SMAP2: variants seen among roughly 807,000 people sequenced by gnomAD.
SMAP2 encodes the protein small ArfGAP2.
In SMAP2, 25 loss-of-function variants were observed where a neutral mutation model predicts 56.4. The ratio of observed to expected loss-of-function variants is 0.44; its 90% CI spans 0.32 to 0.62. The LOEUF (loss-of-function observed/expected upper bound fraction) is 0.62, where lower values mean the gene tolerates loss of function less well. Among genes scored for constraint, SMAP2 ranks in the 20% least tolerant of loss-of-function variants. The pLI is 0.04. For missense variants in SMAP2, 388 were observed against 545.6 expected, an observed-to-expected ratio of 0.71 and a Z score of 2.88; for synonymous variants, 157 against 181.7, an observed-to-expected ratio of 0.86 and a Z score of 1.09.
chr1:40,415,309 C>T lies in SMAP2; in HGVS notation c.609C>T (p.Thr203=), dbSNP rs758225689. The change falls in exon 7 of 10, where the codon ACC becomes ACT. Residue 203 remains threonine, a synonymous_variant. Coordinates refer to ENST00000372718, the MANE Select transcript of SMAP2 (RefSeq NM_022733.3). The part of the protein sequence containing the change: ...PVACSIANSK[T]SNTLEKDLDL... ...CCTGCTCCATTGCAAATAGTAAGACCAGCAATACCCTAGAGAAGGATTTAG... is the reference window on the plus strand; with the variant it reads ...CCTGCTCCATTGCAAATAGTAAGACTAGCAATACCCTAGAGAAGGATTTAG... 6.2e-7 allele frequency: 1 copy of T among 1,613,978 alleles called. No individual in the cohort carries two copies. The highest frequency in any genetic ancestry group is 8.5e-7 in the Non-Finnish European group (1 of 1,179,850).
chr1:40,405,666 A>C (rs1273581509), intron 1 of SMAP2, among the ~76,000 whole-genome samples: 2 of 152,094 alleles, frequency 1.3e-5, no homozygotes, highest in East Asian at 3.8e-4. Flanking sequence ...CACTTATTTT[A>C]TGTGGTAAAT....
At chr1:40,350,930 G>T (rs1039091869) in intron 1 of SMAP2, among the ~76,000 whole-genome samples, 7 of 152,138 alleles carry the variant, frequency 4.6e-5, no homozygotes, top group Admixed American at 3.3e-4. Context: ...GCCCCATTCT[G>T]CTCATTAACT....
intron 6 of SMAP2, among the ~76,000 whole-genome samples, chr1:40,414,698 A>G (rs1159581140): frequency 6.6e-6 from 1 of 152,154 alleles, no homozygotes; most frequent in Non-Finnish European, 1.5e-5. Context: ...TTTGAGCCTC[A>G]TGTCAATTCC....
chr1:40,384,797 G>T (rs1485578366), intron 1 of SMAP2, among the ~76,000 whole-genome samples: 1 of 152,162 alleles, frequency 6.6e-6, no homozygotes, highest in Non-Finnish European at 1.5e-5. Context: ...AATGTAATTT[G>T]GGATTTGAAA....
Position 40,420,639 on chromosome 1 carries a change from A to G in SMAP2, c.1165-1337A>G, listed in dbSNP as rs1645033335. Among the ~76,000 whole-genome samples, 2 of 152,268 alleles carry G rather than the reference A, an allele frequency of 1.3e-5. 1 individual carries two copies. Among genetic ancestry groups the G allele is most frequent in the South Asian group, 4.1e-4 (2 of 4,832 alleles). ...CACTACCTCAGCCAAGTGATCAAAC[A>G]TAAAATTACTGACAGAGGAACAAAG... On this transcript the variant is annotated intron_variant, in intron 9 of 9. Transcript: ENST00000372718.
At position 40,416,789 on chromosome 1, in the gene SMAP2, T is replaced by C; in HGVS notation, c.857T>C (p.Met286Thr). 6.3e-7 allele frequency: 1 copy of C among 1,597,176 alleles called. No homozygotes were observed. Among genetic ancestry groups the C allele is most frequent in the Non-Finnish European group, 8.6e-7 (1 of 1,166,100 alleles). Residue 286 changes from methionine to threonine, a missense_variant, in exon 9 of 10, where the codon ATG becomes ACG. Met to Thr is a moderately conservative substitution (Grantham distance 81, BLOSUM62 -1). Transcript: ENST00000372718. ...TPQMPTQAMF[M>T]APAQMAYPTA... is the part of the protein sequence containing the mutation. ...TGTGTTTTCTTGGCAGCAATGTTCA[T>C]GGCTCCCGCTCAGATGGCATATCCC...
Position 40,420,140 on chromosome 1 carries a change from A to G in SMAP2, c.1165-1836A>G, listed in dbSNP as rs763801977. ...CTAGCAGTCTCATTAATTTTTTTCA[A>G]AGAACCAGGATTTCGATTTATTGGT... On this transcript the variant is annotated intron_variant, in intron 9 of 9. Coordinates refer to ENST00000372718, the MANE Select transcript of SMAP2 (RefSeq NM_022733.3). Among the ~76,000 whole-genome samples the G allele has an allele frequency of 3.5e-4, 53 of 152,146 alleles. 1 individual carries two copies. Among genetic ancestry groups the G allele is most frequent in the Admixed American group, 1.2e-3 (19 of 15,282 alleles).
chr1:40,421,717 G>A lies in SMAP2; in HGVS notation c.1165-259G>A, dbSNP rs148378481. Among the ~76,000 whole-genome samples the A allele has an allele frequency of 3.5e-4, 53 of 152,268 alleles. 1 individual carries two copies. In the East Asian group the frequency reaches 8.3e-3, roughly 24 times the overall value. ...GAGGAACTCATGCTGATTTTCTGTC[G>A]ACTAGATCCAGATGCCAGGATGCCT... is the stretch of plus-strand genomic sequence containing the variant. On this transcript the variant is annotated intron_variant, in intron 9 of 9. Coordinates refer to ENST00000372718, the MANE Select transcript of SMAP2 (RefSeq NM_022733.3).
chr1:40,362,904 G>A (rs1256485719), intron 2 of SMAP2, among the ~76,000 whole-genome samples: 1 of 152,096 alleles, frequency 6.6e-6, no homozygotes, highest in Non-Finnish European at 1.5e-5. Flanking sequence ...GGAGCAGCAG[G>A]GCAGAAGCTT....
At position 40,399,786 on chromosome 1, in the gene SMAP2, T is replaced by G. The variant is rs966902308; in HGVS notation, c.104-6950T>G. ...TTCATAACCTTTAAAAAAAAAGTCC[T>G]TATCTTTTAGAGATATATGCTGAAG... On this transcript the variant is annotated intron_variant, in intron 1 of 9. Transcript: ENST00000372718. Among the ~76,000 whole-genome samples, 4 of 152,170 alleles carry G rather than the reference T, an allele frequency of 2.6e-5. No homozygotes were observed. In the East Asian group the frequency reaches 7.7e-4, roughly 29 times the overall value.
chr1:40,397,888 A>G (rs1644787791), intron 1 of SMAP2, among the ~76,000 whole-genome samples: 1 of 152,174 alleles, frequency 6.6e-6, no homozygotes, highest in South Asian at 2.1e-4. Flanking sequence ...TCCAGGTAGA[A>G]AGAATGGTGT....
Position 40,398,904 on chromosome 1 carries a change from G to A in SMAP2, c.104-7832G>A, listed in dbSNP as rs1476126016. Among the ~76,000 whole-genome samples the A allele has an allele frequency of 2.0e-5, 3 of 152,212 alleles. No individual in the cohort carries two copies. In the East Asian group the frequency reaches 5.8e-4, roughly 29 times the overall value. On this transcript the variant is annotated intron_variant, in intron 1 of 9. Transcript: ENST00000372718. The stretch of plus-strand genomic sequence containing the variant: ...TATGATAGTGAATGTTACAGGTCTG[G>A]TGACAGCTCTTGTGGCACACATAGT...
At chr1:40,421,513 C>A (rs1645042329) in intron 9 of SMAP2, among the ~76,000 whole-genome samples, 1 of 151,880 alleles carries the variant, frequency 6.6e-6, no homozygotes, top group South Asian at 2.1e-4. Flanking sequence ...CCTTTTTTTC[C>A]CCCTTGTGCA....
chr1:40,416,003 GC>G (rs146045057), intron 7 of SMAP2, among the ~76,000 whole-genome samples, 172 bp from the exon 8 acceptor site: 4 of 152,312 alleles, frequency 2.6e-5, no homozygotes, highest in Admixed American at 6.5e-5. Context: ...TTGTAACAGA[GC>G]TTAATTATCA....
intron 2 of SMAP2, chr1:40,364,805 A>C (rs1644474846): frequency 1.3e-5 from 2 of 154,174 alleles, no homozygotes; most frequent in African/African-American, 4.8e-5. Flanking sequence ...AAGGTGCTGA[A>C]AAGCTCAATA....
intron 1 of SMAP2, among the ~76,000 whole-genome samples, chr1:40,400,393 T>C (rs1416356102): frequency 6.6e-6 from 1 of 152,134 alleles, no homozygotes; most frequent in Non-Finnish European, 1.5e-5. Flanking sequence ...GGCTGTTTGG[T>C]GGAGAATGGT....
chr1:40,408,807 C>G lies in SMAP2; in HGVS notation c.323+69C>G, dbSNP rs1215855173. Reference sequence around the variant, plus strand: ...TGCTTGGGGAGAGTCAGACAAGACTCCAGTCCTGTAATGTGACTGGGTCAT... The same window carrying G: ...TGCTTGGGGAGAGTCAGACAAGACTGCAGTCCTGTAATGTGACTGGGTCAT... On this transcript the variant is annotated intron_variant, in intron 3 of 9. Coordinates refer to ENST00000372718, the MANE Select transcript of SMAP2 (RefSeq NM_022733.3). The surrounding 1 kb of genome is among the most constrained non-coding windows in gnomAD (Gnocchi z 4.3). The G allele has an allele frequency of 2.4e-6, 3 of 1,249,132 alleles. No individual in the cohort carries two copies. The highest frequency in any genetic ancestry group is 3.5e-6 in the Non-Finnish European group (3 of 850,754). 77.4% of individuals were successfully genotyped at this position (1,249,132 alleles called of 1,614,324 possible). A position where few individuals can be genotyped will look rare whatever the true frequency, so the allele number is the denominator to read the frequency against.
At chr1:40,388,658 C>T (rs979824288) in intron 1 of SMAP2, among the ~76,000 whole-genome samples, 1 of 152,108 alleles carries the variant, frequency 6.6e-6, no homozygotes, top group Admixed American at 6.5e-5. Flanking sequence ...CAAAACAGAC[C>T]GCTCCGCTCT....
At chr1:40,362,074 G>A (rs1161181135) in intron 1 of SMAP2, among the ~76,000 whole-genome samples, 1 of 152,204 alleles carries the variant, frequency 6.6e-6, no homozygotes, top group Non-Finnish European at 1.5e-5. Context: ...AGCCTGAAGA[G>A]GCCAGGGGAG....
Sources: allele counts gnomAD v4.1 joint callset (sites outside exome capture counted in the v4.1 genomes callset), GRCh38; gene constraint gnomAD v4.1.1; non-coding constraint Gnocchi (gnomAD v3.1); transcripts MANE v1.5; gene names NCBI Gene and HGNC (gene_info 2026-07-23, HGNC 2026-07-21).